The following ITSN2 variants were observed in gnomAD, a reference collection of about 807,000 sequenced individuals.
ITSN2 encodes the protein intersectin-2.
A neutral mutation model predicts 243.7 loss-of-function variants in ITSN2; 156 were observed. The ratio of observed to expected loss-of-function variants is 0.64; its 90% CI spans 0.56 to 0.73. The LOEUF (loss-of-function observed/expected upper bound fraction) is 0.73, where lower values mean the gene tolerates loss of function less well. ITSN2 is among the 30% of genes least tolerant of loss of function. The pLI, the probability that ITSN2 is intolerant of heterozygous loss-of-function variation, is 0.00. For missense variants in ITSN2, 1,801 were observed against 1,996.1 expected (o/e 0.90, Z 1.86); for synonymous variants, 703 against 699.9 (o/e 1.00, Z -0.07).
intron 29 of ITSN2, among the ~76,000 whole-genome samples, chr2:24,237,447 G>C (rs1366560672): frequency 6.6e-6 from 1 of 151,882 alleles, no homozygotes; most frequent in African/African-American, 2.4e-5. Context: ...TTCTTCCCAA[G>C]TAATCTCATC....
At chr2:24,302,374 A>C (rs940280447) in intron 9 of ITSN2, among the ~76,000 whole-genome samples, 1 of 151,558 alleles carries the variant, frequency 6.6e-6, no homozygotes, top group Non-Finnish European at 1.5e-5. Flanking sequence ...AATTTTTTGT[A>C]TTTTTAGTAG....
intron 3 of ITSN2, among the ~76,000 whole-genome samples, chr2:24,314,175 G>A (rs1477481536): frequency 6.6e-6 from 1 of 152,156 alleles, no homozygotes; most frequent in Non-Finnish European, 1.5e-5. Flanking sequence ...GAACACTAAA[G>A]GAAACAGAAA....
chr2:24,291,797 G>A (rs775553187), intron 15 of ITSN2, among the ~76,000 whole-genome samples: 5 of 152,004 alleles, frequency 3.3e-5, no homozygotes, highest in Non-Finnish European at 7.4e-5. Flanking sequence ...CCATATTTCT[G>A]CTTTATTCAT....
intron 32 of ITSN2, among the ~76,000 whole-genome samples, chr2:24,212,973 C>T (rs1163259717): frequency 6.6e-6 from 1 of 152,208 alleles, no homozygotes; most frequent in African/African-American, 2.4e-5. Flanking sequence ...TGATATGTCG[C>T]ACTGTAGTAA....
chr2:24,210,886 C>T lies in ITSN2; in HGVS notation c.4151G>A (p.Arg1384Gln), dbSNP rs773027259. 1.9e-6 allele frequency: 3 copies of T among 1,614,156 alleles called. No homozygotes were observed. The highest frequency in any genetic ancestry group is 1.1e-5 in the South Asian group (1 of 91,080). The change falls in exon 34 of 40, where the codon CGG becomes CAG. Residue 1384 changes from arginine to glutamine, a missense_variant. This residue lies in a region of ITSN2 where 928 missense variants were observed against 1,065.4 expected (regional missense o/e 0.87). Coordinates refer to ENST00000355123, the MANE Select transcript of ITSN2 (RefSeq NM_006277.3). ...CACTTGAGAGCACAGCTCCTCTGCC[C>T]GCTCGAGGGCCAGCTTTAGGGAGGA... ...DHSSLKLALE[R>Q]AEELCSQVNE...
chr2:24,332,144 C>T (rs1174430030), intron 1 of ITSN2, among the ~76,000 whole-genome samples: 13 of 152,016 alleles, frequency 8.6e-5, no homozygotes, highest in East Asian at 3.9e-4. Flanking sequence ...TGGGTGGCTG[C>T]GGCAGGAGAA....
intron 3 of ITSN2, among the ~76,000 whole-genome samples, chr2:24,314,068 G>A (rs1683614472): frequency 6.6e-6 from 1 of 151,948 alleles, no homozygotes; most frequent in South Asian, 2.1e-4. Flanking sequence ...GCTACAAAAG[G>A]GTGGGTTCCC....
chr2:24,332,027 T>A (rs1025635738), intron 1 of ITSN2, among the ~76,000 whole-genome samples: 1 of 152,154 alleles, frequency 6.6e-6, no homozygotes, highest in African/African-American at 2.4e-5. Flanking sequence ...GCAGATCACC[T>A]GAAGTCAGGA....
chr2:24,338,920 G>T (rs1169413656), intron 1 of ITSN2, among the ~76,000 whole-genome samples: 4 of 152,128 alleles, frequency 2.6e-5, no homozygotes, highest in Admixed American at 2.6e-4. Flanking sequence ...TCAAAGTAAG[G>T]TACATGTAAT....
chr2:24,305,562 G>C (rs1682412828), intron 8 of ITSN2, among the ~76,000 whole-genome samples: 1 of 119,824 alleles, frequency 8.3e-6, no homozygotes, highest in African/African-American at 3.2e-5. Flanking sequence ...GGGCAACAGA[G>C]CAAGACTCTG....
At chr2:24,236,713 A>T (rs1221731486) in intron 29 of ITSN2, among the ~76,000 whole-genome samples, 11 of 141,558 alleles carry the variant, frequency 7.8e-5, no homozygotes, top group Non-Finnish European at 1.5e-5. Context: ...TCTGTCACTC[A>T]GGCTGGAGTG....
At chr2:24,318,296 C>T (rs2702039) in intron 2 of ITSN2, among the ~76,000 whole-genome samples, 148,905 of 152,266 alleles carry the variant, frequency 0.98, 72,806 homozygotes, top group East Asian at 0.99. Context: ...CAGGTACGTG[C>T]GACTACAGCT....
intron 17 of ITSN2, 94 bp from the exon 18 acceptor site, chr2:24,275,943 C>T (rs1166877431): frequency 1.1e-6 from 1 of 906,196 alleles, no homozygotes; most frequent in African/African-American, 1.7e-5. Flanking sequence ...GATAAAAATC[C>T]TATAGCAAGT....
At chr2:24,257,287 C>G (rs1007012788) in intron 23 of ITSN2, among the ~76,000 whole-genome samples, 5 of 152,008 alleles carry the variant, frequency 3.3e-5, no homozygotes, top group African/African-American at 9.7e-5. Context: ...CCACTGCACT[C>G]TAGCCTAGGC....
At chr2:24,315,058 G>T in intron 3 of ITSN2, 74 bp downstream of exon 3, 1 of 649,244 alleles carries the variant, frequency 1.5e-6, no homozygotes, top group Non-Finnish European at 2.6e-6. Flanking sequence ...TTTGATGGCA[G>T]TCAAATTAAA....
chr2:24,215,917 C>T (rs1664289444), intron 32 of ITSN2, 132 bp downstream of exon 32: 4 of 581,860 alleles, frequency 6.9e-6, no homozygotes, highest in Non-Finnish European at 1.1e-5. Context: ...AAATTCTCTG[C>T]CGTTTTGGTG....
At chr2:24,315,550 C>T (rs1683806582) in intron 2 of ITSN2, among the ~76,000 whole-genome samples, 1 of 152,168 alleles carries the variant, frequency 6.6e-6, no homozygotes, top group South Asian at 2.1e-4. Flanking sequence ...ACAGTATTCA[C>T]CTGTGAAAAA....
intron 17 of ITSN2, among the ~76,000 whole-genome samples, chr2:24,277,000 T>G (rs1678093491): frequency 6.6e-6 from 1 of 152,194 alleles, no homozygotes; most frequent in African/African-American, 2.4e-5. Flanking sequence ...CTATAGAAGC[T>G]GAATGTTCAA....
intron 21 of ITSN2, 74 bp downstream of exon 21, chr2:24,261,487 G>A: frequency 2.5e-6 from 3 of 1,196,310 alleles, no homozygotes. Flanking sequence ...GAAGTAGTAG[G>A]CTGACACCAT....
Sources: allele counts gnomAD v4.1 joint callset (sites outside exome capture counted in the v4.1 genomes callset), GRCh38; gene constraint gnomAD v4.1.1; regional missense constraint gnomAD v4.1.1; transcripts MANE v1.5; gene names NCBI Gene and HGNC (gene_info 2026-07-23, HGNC 2026-07-21).